Variants in CORO1C observed in about 807,000 individuals in gnomAD.
CORO1C encodes coronin 1C.
CORO1C carries 14 observed loss-of-function variants against 51.2 expected under a neutral mutation model. The ratio of observed to expected loss-of-function variants is 0.27; its 90% confidence interval spans 0.18 to 0.43. The LOEUF is 0.43. CORO1C is among the 20% of genes least tolerant of loss of function. The pLI is 1.00. For synonymous variants in CORO1C, 181 were observed against 210.5 expected (o/e 0.86, Z 1.21); for missense variants, 417 against 607.8 (o/e 0.69, Z 3.30).
At chr12:108,667,023 G>A (rs778158159) in intron 3 of CORO1C, among the ~76,000 whole-genome samples, 6 of 151,660 alleles carry the variant, frequency 4.0e-5, no homozygotes, top group Non-Finnish European at 7.4e-5. Flanking sequence ...CTTACTGTGC[G>A]GATACAATAA....
At chr12:108,686,791 T>C (rs77395454) in intron 2 of CORO1C, among the ~76,000 whole-genome samples, 8,686 of 152,182 alleles carry the variant, frequency 0.057, 647 homozygotes, top group East Asian at 0.25. Context: ...ATTGGTGAAA[T>C]AGGTCAGGAC....
rs778431340 is a variant in CORO1C at position 108,648,609 on chromosome 12, C to G, written c.1301G>C (p.Ser434Thr). 3 of 1,614,200 alleles carry G rather than the reference C, an allele frequency of 1.9e-6. No individual in the cohort carries two copies. The highest frequency in any genetic ancestry group is 4.5e-5 in the East Asian group (2 of 44,880). The change falls in exon 10 of 11, where the codon AGT becomes ACT. Residue 434 changes from serine (S) to threonine (T), a missense_variant. Transcript: ENST00000261401. The stretch of plus-strand genomic sequence containing the variant: ...CTGCACTCCACTGGTCCTCACCACA[C>G]TGGCCGTGTCTGTGGTTTTCTTGGG... ...SIPKKTTDTA[S>T]VQNEAKLDEI... is the part of the protein sequence containing the mutation.
chr12:108,729,376 T>C (rs1192105966), intron 1 of CORO1C, among the ~76,000 whole-genome samples: 1 of 151,414 alleles, frequency 6.6e-6, no homozygotes, highest in Non-Finnish European at 1.5e-5. Context: ...TTGTGTGCAG[T>C]TATGTTTCAT....
At chr12:108,655,714 T>A (rs1157860574) in intron 6 of CORO1C, among the ~76,000 whole-genome samples, 1 of 152,110 alleles carries the variant, frequency 6.6e-6, no homozygotes, top group African/African-American at 2.4e-5. Flanking sequence ...TGCAGTGGTG[T>A]GATCTCGGCT....
intron 1 of CORO1C, among the ~76,000 whole-genome samples, chr12:108,729,128 C>T (rs371733878): frequency 3.7e-4 from 57 of 152,276 alleles, no homozygotes; most frequent in African/African-American, 1.4e-3. Flanking sequence ...AATTGATATT[C>T]ATCCTTTTGA....
At chr12:108,675,490 G>A (rs533146756) in intron 3 of CORO1C, among the ~76,000 whole-genome samples, 9 of 151,866 alleles carry the variant, frequency 5.9e-5, no homozygotes, top group East Asian at 1.9e-4. Flanking sequence ...TGAAAGGAAC[G>A]GGGAAAAAAA....
chr12:108,664,867 C>G (rs2033412340), intron 3 of CORO1C, among the ~76,000 whole-genome samples: 1 of 152,198 alleles, frequency 6.6e-6, no homozygotes, highest in Admixed American at 6.5e-5. Context: ...CTAATTTGAT[C>G]AAAGCATGAA....
chr12:108,692,666 T>C (rs747192141), intron 2 of CORO1C, among the ~76,000 whole-genome samples: 1 of 152,252 alleles, frequency 6.6e-6, no homozygotes, highest in Non-Finnish European at 1.5e-5. Context: ...ATAGACCAAG[T>C]ACTTTCCAAA....
rs73406584 is a variant in CORO1C at position 108,666,088 on chromosome 12, C to T, written c.319-3930G>A. 1.9e-3 allele frequency among the ~76,000 whole-genome samples: 282 copies of T among 152,320 alleles called. 2 individuals are homozygous for T. The highest frequency in any genetic ancestry group is 6.2e-3 in the African/African-American group (257 of 41,570). ...AGCTTGGTCCACCCAGGAGGGCTCC[C>T]TGAGGAGGTGACCTCTAAGGATGAA... On this transcript the variant is annotated intron_variant, in intron 3 of 10. Coordinates refer to ENST00000261401, the MANE Select transcript of CORO1C (RefSeq NM_014325.4).
chr12:108,721,563 T>G (rs951230293), intron 1 of CORO1C, among the ~76,000 whole-genome samples: 1 of 152,224 alleles, frequency 6.6e-6, no homozygotes, highest in Non-Finnish European at 1.5e-5. Flanking sequence ...CATAAGACTT[T>G]GTGAATACGA....
At chr12:108,656,268 C>G (rs1301232368) in intron 6 of CORO1C, among the ~76,000 whole-genome samples, 1 of 151,434 alleles carries the variant, frequency 6.6e-6, no homozygotes, top group African/African-American at 2.4e-5. Flanking sequence ...GCCCGGCAGC[C>G]ACCCCGTCCG....
At chr12:108,657,143 A>G (rs2033061471) in intron 6 of CORO1C, among the ~76,000 whole-genome samples, 161 bp downstream of exon 6, 1 of 152,252 alleles carries the variant, frequency 6.6e-6, no homozygotes, top group Non-Finnish European at 1.5e-5. Flanking sequence ...ATTTACCAGT[A>G]AGTCTCCAAC....
intron 3 of CORO1C, among the ~76,000 whole-genome samples, chr12:108,668,012 C>A (rs1483049456): frequency 6.6e-6 from 1 of 152,168 alleles, no homozygotes; most frequent in Non-Finnish European, 1.5e-5. Context: ...TTTAGTCACC[C>A]ATCATCAACT....
At chr12:108,715,479 A>G (rs1203609876) in intron 1 of CORO1C, among the ~76,000 whole-genome samples, 1 of 152,176 alleles carries the variant, frequency 6.6e-6, no homozygotes, top group Non-Finnish European at 1.5e-5. Flanking sequence ...CAAGGATGAC[A>G]TGTTTACAAC....
intron 6 of CORO1C, among the ~76,000 whole-genome samples, chr12:108,656,003 G>A (rs1336516149): frequency 2.0e-5 from 3 of 151,688 alleles, no homozygotes; most frequent in Non-Finnish European, 2.9e-5. Flanking sequence ...CCCCGTCTGG[G>A]ATGTGAGGAG....
At chr12:108,724,201 T>C (rs2035535882) in intron 1 of CORO1C, among the ~76,000 whole-genome samples, 1 of 152,274 alleles carries the variant, frequency 6.6e-6, no homozygotes, top group Admixed American at 6.5e-5. Flanking sequence ...GGTGATTAAC[T>C]GAAGAAAACT....
intron 8 of CORO1C, chr12:108,652,055 C>CTTTTTT (rs202228272): frequency 0.2 from 28,225 of 141,426 alleles, 3,660 homozygotes; most frequent in East Asian, 0.26. Context: ...TTTTTCTTTT[C>CTTTTTT]TTTTTTTTTT....
At chr12:108,692,129 T>C (rs766927952) in intron 2 of CORO1C, among the ~76,000 whole-genome samples, 10 of 152,074 alleles carry the variant, frequency 6.6e-5, no homozygotes, top group East Asian at 3.9e-4. Context: ...TTGGAAGTCA[T>C]TGTTCTGCAC....
At chr12:108,703,677 C>A (rs1195326312) in intron 1 of CORO1C, among the ~76,000 whole-genome samples, 3 of 152,184 alleles carry the variant, frequency 2.0e-5, no homozygotes, top group Admixed American at 2.0e-4. Context: ...TGACTGAAAG[C>A]CTGAATTAGG....
Sources: allele counts gnomAD v4.1 joint callset (sites outside exome capture counted in the v4.1 genomes callset), GRCh38; gene constraint gnomAD v4.1.1; transcripts MANE v1.5; gene names NCBI Gene and HGNC (gene_info 2026-07-23, HGNC 2026-07-21).